The following SF3A3 variants were observed in gnomAD, a reference collection of about 807,000 sequenced individuals.
SF3A3 encodes splicing factor 3a subunit 3, also known as SAP 61.
In SF3A3, 9 loss-of-function variants were observed where a neutral mutation model predicts 85.8. That is an observed-to-expected ratio of 0.10 (90% confidence interval 0.06 to 0.18). SF3A3 has a LOEUF of 0.18. Ranked by LOEUF, SF3A3 falls within the 10% of genes least tolerant of loss-of-function variation. SF3A3 has a pLI of 1.00. For missense variants in SF3A3, 306 were observed against 593.3 expected (o/e 0.52, Z 5.03); for synonymous variants, 195 against 204.4 (o/e 0.95, Z 0.39).
chr1:37,981,871 CAATAT>C, intron 6 of SF3A3, 60 bp from the exon 7 acceptor site: 1 of 936,788 alleles, frequency 1.1e-6, no homozygotes, highest in Non-Finnish European at 1.7e-6. Flanking sequence ...TAACAAGTTA[CAATAT>C]AATCTCCAAT....
At position 37,976,957 on chromosome 1, in the gene SF3A3, A is replaced by AG. The variant is rs1445123687; in HGVS notation, c.936-5dup. The stretch of plus-strand genomic sequence containing the variant: ...GTCTTTGTTCCTTTCAGTGTCTCTG[A>AG]GAAAAAGAAACAAGCTGTTTCACTC... On this transcript the variant is annotated splice_region_variant and splice_polypyrimidine_tract_variant and intron_variant, in intron 11 of 16. Coordinates refer to ENST00000373019, the MANE Select transcript of SF3A3 (RefSeq NM_006802.4). The AG allele has an allele frequency of 6.2e-7, 1 of 1,604,238 alleles. No homozygotes were observed. Among genetic ancestry groups the AG allele is most frequent in the East Asian group, 2.2e-5 (1 of 44,836 alleles).
At chr1:37,976,418 T>C (rs760849892) in intron 12 of SF3A3, among the ~76,000 whole-genome samples, 28 of 152,202 alleles carry the variant, frequency 1.8e-4, no homozygotes, top group Non-Finnish European at 3.2e-4. Flanking sequence ...GCCAGCTTTG[T>C]ACTAATAATA....
intron 15 of SF3A3, among the ~76,000 whole-genome samples, chr1:37,967,108 T>C (rs1570457156): frequency 7.5e-6 from 1 of 133,016 alleles, no homozygotes; most frequent in South Asian, 2.5e-4. Context: ...ATAGAAAAAT[T>C]AGCTGGGCAT....
intron 15 of SF3A3, among the ~76,000 whole-genome samples, chr1:37,965,865 A>G (rs1162871067): frequency 6.6e-6 from 1 of 152,164 alleles, no homozygotes; most frequent in African/African-American, 2.4e-5. Flanking sequence ...CTTCTGTCTA[A>G]TCAGCCAACA....
chr1:37,980,674 T>G lies in SF3A3; in HGVS notation c.602A>C (p.Lys201Thr), dbSNP rs778513821. 2.9e-5 allele frequency: 46 copies of G among 1,613,950 alleles called. No homozygotes were observed. Among genetic ancestry groups the G allele is most frequent in the Non-Finnish European group, 3.7e-5 (44 of 1,179,972 alleles). The change falls in exon 8 of 17, where the codon AAG becomes ACG. Residue 201 changes from lysine (K) to threonine (T), a missense_variant. Physicochemically the swap from Lys to Thr is moderately conservative, Grantham distance 78. Transcript: ENST00000373019. ...AAGTTCATTCTGATCTTGGAGAGGC[T>G]TCACTCTATCTGTGTAATCCTGAAG... is the stretch of plus-strand genomic sequence containing the variant. ...EYLQDYTDRV[K>T]PLQDQNELFG...
chr1:37,964,144 A>C (rs1646282119), intron 15 of SF3A3, among the ~76,000 whole-genome samples: 1 of 152,026 alleles, frequency 6.6e-6, no homozygotes, highest in South Asian at 2.1e-4. Context: ...GCGCCACTGC[A>C]CTCCAGCCTG....
intron 15 of SF3A3, among the ~76,000 whole-genome samples, chr1:37,961,759 C>CAAAAAAAAAAAAAAAA (rs10699691): frequency 2.1e-4 from 8 of 37,802 alleles, no homozygotes; most frequent in East Asian, 2.6e-3. Context: ...GCAAGACTGC[C>CAAAAAAAAAAAAAAAA]AAAAAAAAAA....
intron 12 of SF3A3, among the ~76,000 whole-genome samples, chr1:37,972,859 T>C (rs1646352976): frequency 6.6e-6 from 1 of 152,180 alleles, no homozygotes; most frequent in South Asian, 2.1e-4. Context: ...TTACACCCTA[T>C]ACAAAAATTA....
Position 37,970,562 on chromosome 1 carries a change from C to T in SF3A3, c.1006-827G>A, listed in dbSNP as rs532589801. Among the ~76,000 whole-genome samples, 14 of 26,682 alleles carry T rather than the reference C, an allele frequency of 5.2e-4. No individual in the cohort carries two copies. In the East Asian group the frequency reaches 0.3, roughly 563 times the overall value. The allele number at this position is 26,682 out of a possible 152,430, so 17.5% of individuals were successfully genotyped here. On this transcript the variant is annotated intron_variant, in intron 12 of 16. Coordinates refer to ENST00000373019, the MANE Select transcript of SF3A3 (RefSeq NM_006802.4). ...AAATCAACAGAATATACATTCTTCT[C>T]AGCACCACATCACACTTATTCCAAA...
At chr1:37,985,243 C>T (rs1646447892) in intron 4 of SF3A3, among the ~76,000 whole-genome samples, 1 of 152,140 alleles carries the variant, frequency 6.6e-6, no homozygotes, top group South Asian at 2.1e-4. Context: ...CTTGTTTTTC[C>T]CCGCTTTTTT....
At chr1:37,985,630 A>G (rs568636243) in intron 4 of SF3A3, among the ~76,000 whole-genome samples, 2 of 152,270 alleles carry the variant, frequency 1.3e-5, no homozygotes, top group Non-Finnish European at 2.9e-5. Flanking sequence ...GACATTTAGT[A>G]TATCTTGGGC....
At chr1:37,969,833 C>A in intron 12 of SF3A3, 98 bp from the exon 13 acceptor site, 1 of 1,308,484 alleles carries the variant, frequency 7.6e-7, no homozygotes, top group Non-Finnish European at 1.1e-6. Context: ...CCCTTACTTC[C>A]AAGGATAAGG....
chr1:37,975,562 G>T (rs1414701306), intron 12 of SF3A3, among the ~76,000 whole-genome samples: 1 of 151,814 alleles, frequency 6.6e-6, no homozygotes, highest in Admixed American at 6.6e-5. Context: ...TCATGTCAAG[G>T]GCATGAGTGG....
At chr1:37,968,500 G>C (rs1024397582) in intron 14 of SF3A3, among the ~76,000 whole-genome samples, 1 of 152,140 alleles carries the variant, frequency 6.6e-6, no homozygotes, top group African/African-American at 2.4e-5. Context: ...CATGAATAGG[G>C]GTTACTAATG....
intron 2 of SF3A3, 133 bp downstream of exon 2, chr1:37,989,415 C>T: frequency 1.2e-6 from 1 of 865,804 alleles, no homozygotes; most frequent in Admixed American, 3.0e-5. Flanking sequence ...GGACATCTGT[C>T]CAGGCAGAGA....
At chr1:37,967,077 G>A (rs1646306517) in intron 15 of SF3A3, among the ~76,000 whole-genome samples, 1 of 26,026 alleles carries the variant, frequency 3.8e-5, no homozygotes, top group Admixed American at 4.1e-4. Context: ...CCAACATGAT[G>A]AAAGCCCATC....
At chr1:37,974,936 T>C (rs1281279807) in intron 12 of SF3A3, among the ~76,000 whole-genome samples, 2 of 152,222 alleles carry the variant, frequency 1.3e-5, no homozygotes, top group South Asian at 2.1e-4. Context: ...CCCTTCTCTC[T>C]TTCTACTTAG....
chr1:37,961,401 A>G (rs1433074276), intron 15 of SF3A3, among the ~76,000 whole-genome samples: 1 of 151,910 alleles, frequency 6.6e-6, no homozygotes, highest in Non-Finnish European at 1.5e-5. Context: ...CCTGATGAAC[A>G]TGGAAAAACC....
At chr1:37,988,350 C>A (rs1343950711) in intron 2 of SF3A3, among the ~76,000 whole-genome samples, 1 of 152,154 alleles carries the variant, frequency 6.6e-6, no homozygotes, top group Non-Finnish European at 1.5e-5. Flanking sequence ...AGATTTGTTT[C>A]AGAATTTGGA....
Sources: allele counts gnomAD v4.1 joint callset (sites outside exome capture counted in the v4.1 genomes callset), GRCh38; gene constraint gnomAD v4.1.1; transcripts MANE v1.5; gene names NCBI Gene and HGNC (gene_info 2026-07-23, HGNC 2026-07-21).